Variants in WDR44 observed in about 807,000 individuals in gnomAD.
The protein encoded by WDR44 is WD repeat-containing protein 44.
WDR44 carries 9 observed loss-of-function variants against 65.7 expected under a neutral mutation model. That is an observed-to-expected ratio of 0.14 (90% CI 0.08 to 0.24). The LOEUF is 0.24. Among genes scored for constraint, WDR44 ranks in the 10% least tolerant of loss-of-function variants. The probability of loss-of-function intolerance (pLI) is 1.00; values close to 1 mark genes in which losing one functional copy is unlikely to be tolerated. For synonymous variants in WDR44, 220 were observed against 235.2 expected, an observed-to-expected ratio of 0.94 and a Z score of 0.59; for missense variants, 425 against 670.9, an observed-to-expected ratio of 0.63 and a Z score of 4.05.
At chrX:118,424,891 A>G (rs2057142601) in intron 12 of WDR44, among the ~76,000 whole-genome samples, 1 of 112,104 alleles carries the variant, frequency 8.9e-6, no homozygotes, top group African/African-American at 3.2e-5. Context: ...ATGATGTAAT[A>G]TAAGAGTCCA....
chrX:118,441,267 T>A, intron 14 of WDR44, 101 bp from the exon 15 acceptor site: 1 of 854,809 alleles, frequency 1.2e-6, no homozygotes, highest in Non-Finnish European at 1.6e-6. Flanking sequence ...CCCTGAAATC[T>A]ACATTTTTAA....
rs530016056 is a variant in WDR44 at position 118,377,754 on chromosome X, A to ATT, written c.78-664_78-663insTT. Reference sequence around the variant, plus strand: ...TTTTTTTTTTTTTTTAAGAGATGGGATCTTGCTGTCTCCCCCAAGCTGGAG... The same window carrying ATT: ...TTTTTTTTTTTTTTTAAGAGATGGGATTTCTTGCTGTCTCCCCCAAGCTGGAG... On this transcript the variant is annotated intron_variant, in intron 1 of 19. Transcript: ENST00000254029. 7.9e-3 allele frequency among the ~76,000 whole-genome samples: 612 copies of ATT among 77,288 alleles called. 4 individuals carry two copies. The highest frequency in any genetic ancestry group is 0.055 in the Middle Eastern group (6 of 110). 67.1% of individuals were successfully genotyped at this position (77,288 alleles called of 115,157 possible). A position where few individuals can be genotyped will look rare whatever the true frequency, so the allele number is the denominator to read the frequency against.
chrX:118,367,003 G>A, intron 1 of WDR44, among the ~76,000 whole-genome samples: 1 of 110,045 alleles, frequency 9.1e-6, no homozygotes, highest in East Asian at 2.9e-4. Context: ...GGAGAATGGC[G>A]TGAACCTGGA....
chrX:118,431,935 C>T (rs2057215447), intron 12 of WDR44, among the ~76,000 whole-genome samples: 1 of 111,260 alleles, frequency 9.0e-6, no homozygotes. Flanking sequence ...CTAATTTCTT[C>T]ATCTTTATAC....
chrX:118,362,745 G>C (rs1221568608), intron 1 of WDR44, among the ~76,000 whole-genome samples: 1 of 109,506 alleles, frequency 9.1e-6, no homozygotes, highest in Non-Finnish European at 1.9e-5. Context: ...CACACTAACA[G>C]AACGTAGGAT....
At chrX:118,426,807 A>G (rs2057161201) in intron 12 of WDR44, among the ~76,000 whole-genome samples, 1 of 112,076 alleles carries the variant, frequency 8.9e-6, no homozygotes, top group African/African-American at 3.2e-5. Context: ...AATAAATACC[A>G]AAAAATAGAA....
chrX:118,371,997 CTTTTTTTTTT>C (rs754818345), intron 1 of WDR44, among the ~76,000 whole-genome samples: 1 of 93,100 alleles, frequency 1.1e-5, no homozygotes, highest in Non-Finnish European at 2.2e-5. Context: ...TTTTTTATTT[CTTTTTTTTTT>C]TTTTAGCTCC....
chrX:118,436,528 GT>G (rs2057256362), intron 13 of WDR44, 173 bp from the exon 14 acceptor site: 1 of 602,084 alleles, frequency 1.7e-6, no homozygotes, highest in African/African-American at 2.2e-5. Flanking sequence ...GTACTTAACT[GT>G]TTGGGGGAAA....
In WDR44 at chrX:118,444,451, C is replaced by G; in HGVS notation, c.2604C>G (p.Asn868Lys). Residue 868 changes from asparagine to lysine, a missense_variant, in exon 19 of 20, where the codon AAC (asparagine) becomes AAG (lysine). Coordinates refer to ENST00000254029, the MANE Select transcript of WDR44 (RefSeq NM_019045.5). Reference sequence around the variant, plus strand: ...TGCAATCTGAAAAATCAGAAGGGAACGAGAAAAGTGAAGATGCTGAAGTTT... The same window carrying G: ...TGCAATCTGAAAAATCAGAAGGGAAGGAGAAAAGTGAAGATGCTGAAGTTT... ...LDVQSEKSEGNEKSEDAEVLD... is the reference protein window; with the variant it reads ...LDVQSEKSEGKEKSEDAEVLD... 5 of 1,210,594 alleles carry G rather than the reference C, an allele frequency of 4.1e-6. No homozygotes were observed. The highest frequency in any genetic ancestry group is 5.6e-6 in the Non-Finnish European group (5 of 894,854).
intron 3 of WDR44, among the ~76,000 whole-genome samples, chrX:118,388,245 T>C (rs942492419): frequency 2.7e-5 from 3 of 112,074 alleles, no homozygotes; most frequent in African/African-American, 9.7e-5. Flanking sequence ...GGAAAACCAC[T>C]GTTCTATCCT....
At chrX:118,356,439 G>C in intron 1 of WDR44, among the ~76,000 whole-genome samples, 1 of 110,670 alleles carries the variant, frequency 9.0e-6, no homozygotes. Flanking sequence ...GCTTAGTTAG[G>C]CCACAGTACT....
intron 2 of WDR44, among the ~76,000 whole-genome samples, chrX:118,380,388 A>T (rs1350644154): frequency 9.0e-6 from 1 of 111,269 alleles, no homozygotes; most frequent in African/African-American, 3.3e-5. Context: ...AATCACACCC[A>T]CCACCTTCCC....
intron 19 of WDR44, chrX:118,445,187 C>T: frequency 9.1e-6 from 2 of 220,300 alleles, no homozygotes; most frequent in Non-Finnish European, 8.4e-6. Context: ...CCTAGCTACT[C>T]GGGATGCTGA....
intron 1 of WDR44, among the ~76,000 whole-genome samples, chrX:118,369,422 C>T (rs1332099000): frequency 9.5e-6 from 1 of 105,641 alleles, no homozygotes; most frequent in Admixed American, 1.0e-4. Flanking sequence ...CCGCCCGCCT[C>T]GGCCTCCCAA....
At chrX:118,381,206 C>T (rs2056712386) in intron 2 of WDR44, among the ~76,000 whole-genome samples, 5 of 111,835 alleles carry the variant, frequency 4.5e-5, no homozygotes, top group South Asian at 7.5e-4. Flanking sequence ...CAGTGGCTCA[C>T]GCTTGTAATC....
chrX:118,408,982 A>G (rs761493078), intron 10 of WDR44, among the ~76,000 whole-genome samples: 2 of 111,732 alleles, frequency 1.8e-5, no homozygotes, highest in East Asian at 2.8e-4. Flanking sequence ...ATCTTACCCT[A>G]CCTTTCTTGT....
At position 118,449,173 on chromosome X, in the gene WDR44, G is replaced by A. The variant is rs1402149148; in HGVS notation, c.*186G>A. On this transcript the variant is annotated 3_prime_UTR_variant, in exon 20 of 20. Transcript: ENST00000254029. ...GGCTGATAGAGTAGAAAGGAATATG[G>A]CTAGAATAACATTGCCAAACATTAG... The A allele has an allele frequency of 3.4e-6, 1 of 295,056 alleles. No homozygotes were observed. The highest frequency in any genetic ancestry group is 6.0e-6 in the Non-Finnish European group (1 of 165,653). 24.3% of individuals were successfully genotyped at this position (295,056 alleles called of 1,213,427 possible). A position where few individuals can be genotyped will look rare whatever the true frequency, so the allele number is the denominator to read the frequency against.
Position 118,406,937 on chromosome X carries a change from C to A in WDR44, c.1444C>A (p.Pro482Thr). The change falls in exon 10 of 20, where the codon CCA (proline) becomes ACA (threonine). Residue 482 changes from proline to threonine, a missense_variant. By Grantham distance (38) the Pro-to-Thr change is conservative. Transcript: ENST00000254029. ...TGATGAAGGAATGCCATACACAAGACCAGTTAAATTCAAAGCAGCACACGG... is the reference window on the plus strand; with the variant it reads ...TGATGAAGGAATGCCATACACAAGAACAGTTAAATTCAAAGCAGCACACGG... ...SDDEGMPYTRPVKFKAAHGFK... is the reference protein window; with the variant it reads ...SDDEGMPYTRTVKFKAAHGFK... 1 of 1,210,167 alleles carries A rather than the reference C, an allele frequency of 8.3e-7. No individual in the cohort carries two copies. The highest frequency in any genetic ancestry group is 1.1e-6 in the Non-Finnish European group (1 of 894,289).
chrX:118,357,597 C>T (rs1224501064), intron 1 of WDR44, among the ~76,000 whole-genome samples: 1 of 111,595 alleles, frequency 9.0e-6, no homozygotes, highest in Non-Finnish European at 1.9e-5. Context: ...AAAATTAGTA[C>T]CCCACCAGGT....
Sources: allele counts gnomAD v4.1 joint callset (sites outside exome capture counted in the v4.1 genomes callset), GRCh38; gene constraint gnomAD v4.1.1; transcripts MANE v1.5; gene names NCBI Gene and HGNC (gene_info 2026-07-23, HGNC 2026-07-21).